The following EMC8 variants were observed in gnomAD, a reference collection of about 807,000 sequenced individuals.
EMC8 encodes the protein COX4 neighbor.
A neutral mutation model predicts 24.3 loss-of-function variants in EMC8; 11 were observed. The ratio of observed to expected loss-of-function variants is 0.45; its 90% CI spans 0.28 to 0.75. EMC8 has a LOEUF of 0.75. Among genes scored for constraint, EMC8 ranks in the 30% least tolerant of loss-of-function variants. The probability of loss-of-function intolerance (pLI) is 0.12; values close to 1 mark genes in which losing one functional copy is unlikely to be tolerated. For missense variants in EMC8, 277 were observed against 282.7 expected (o/e 0.98, Z 0.14); for synonymous variants, 145 against 117.7 (o/e 1.23, Z -1.50).
chr16:85,787,276 G>A (rs1037605224), intron 2 of EMC8, among the ~76,000 whole-genome samples: 1 of 152,134 alleles, frequency 6.6e-6, no homozygotes, highest in East Asian at 1.9e-4. Flanking sequence ...ACTTGACAAG[G>A]CCCTGCTCAC....
chr16:85,799,001 C>T lies in EMC8; in HGVS notation c.231+64G>A, dbSNP rs1169355273. On this transcript the variant is annotated intron_variant, in intron 1 of 4. Transcript: ENST00000253457. This position sits in a 1 kb window ranked among gnomAD's most constrained non-coding sequence, Gnocchi z 4.2. ...TGGAGGGCGACCGCTGGGCCAGCTT[C>T]CTCTCTGCTGACTGAGGGGAGGCCA... 1 of 1,196,960 alleles carries T rather than the reference C, an allele frequency of 8.4e-7. No homozygotes were observed. The highest frequency in any genetic ancestry group is 2.6e-5 in the East Asian group (1 of 38,998). The allele number at this position is 1,196,960 out of a possible 1,614,324, so 74.1% of individuals were successfully genotyped here.
Position 85,780,250 on chromosome 16 carries a change from C to T in EMC8, c.473+129G>A, listed in dbSNP as rs538363033. 21 of 700,436 alleles carry T rather than the reference C, an allele frequency of 3.0e-5. No individual in the cohort carries two copies. In the East Asian group the frequency reaches 3.5e-4, roughly 12 times the overall value. 43.4% of individuals were successfully genotyped at this position (700,436 alleles called of 1,614,324 possible). The stretch of plus-strand genomic sequence containing the variant: ...CTGGAACACTGGGGCCTACAGGAGC[C>T]GGGGAATATGCTTGGTATCATGCTT... On this transcript the variant is annotated intron_variant, in intron 4 of 4. Transcript: ENST00000253457.
chr16:85,795,596 T>C (rs1233780645), intron 1 of EMC8, among the ~76,000 whole-genome samples: 2 of 152,178 alleles, frequency 1.3e-5, no homozygotes, highest in Non-Finnish European at 2.9e-5. Context: ...GGAATGCTGA[T>C]GTCATGAAGC....
Position 85,789,059 on chromosome 16 carries a change from G to A in EMC8, c.232-9C>T, listed in dbSNP as rs1263776470. On this transcript the variant is annotated splice_polypyrimidine_tract_variant and intron_variant, in intron 1 of 4. Coordinates refer to ENST00000253457, the MANE Select transcript of EMC8 (RefSeq NM_006067.5). The stretch of plus-strand genomic sequence containing the variant: ...TTGCACCATGAATCAATCTGAAAGA[G>A]GAACAAAAATTGGGAAAAGATGAAT... 6.2e-7 allele frequency: 1 copy of A among 1,606,050 alleles called. No individual in the cohort carries two copies.
intron 2 of EMC8, among the ~76,000 whole-genome samples, chr16:85,788,247 G>A (rs913058501): frequency 2.6e-5 from 4 of 152,244 alleles, no homozygotes; most frequent in Non-Finnish European, 5.9e-5. Context: ...CTGCCCAAGG[G>A]CACTGCTTTT....
Position 85,789,483 on chromosome 16 carries a change from T to A in EMC8, c.232-433A>T, listed in dbSNP as rs142220186. Among the ~76,000 whole-genome samples, 184 of 152,264 alleles carry A rather than the reference T, an allele frequency of 1.2e-3. 1 individual carries two copies. The highest frequency in any genetic ancestry group is 4.0e-3 in the African/African-American group (165 of 41,562). On this transcript the variant is annotated intron_variant, in intron 1 of 4. Transcript: ENST00000253457. Reference sequence around the variant, plus strand: ...ATAGAAACAGAGCCAGAAGGGAATCTCAGTCTCTTTCAAAACAAGTCTTTT... The same window carrying A: ...ATAGAAACAGAGCCAGAAGGGAATCACAGTCTCTTTCAAAACAAGTCTTTT...
intron 1 of EMC8, among the ~76,000 whole-genome samples, chr16:85,794,488 A>G (rs34638133): frequency 6.6e-6 from 1 of 152,184 alleles, no homozygotes; most frequent in Non-Finnish European, 1.5e-5. Context: ...CAGGAGATCG[A>G]GACCCGCCTG....
chr16:85,797,963 A>T (rs779361860), intron 1 of EMC8, among the ~76,000 whole-genome samples: 61 of 152,284 alleles, frequency 4.0e-4, no homozygotes, highest in Admixed American at 1.4e-3. Flanking sequence ...GGAACTGAAA[A>T]GCTACTGCCT....
intron 2 of EMC8, chr16:85,784,929 G>C (rs371617792): frequency 2.6e-5 from 4 of 152,214 alleles, no homozygotes; most frequent in African/African-American, 9.6e-5. Context: ...AGATGCTCAA[G>C]AACTCTTAAC....
rs777991887 is a variant in EMC8 at position 85,779,872 on chromosome 16, G to A, written c.474-5C>T. 2.2e-5 allele frequency: 35 copies of A among 1,613,558 alleles called. No individual in the cohort carries two copies. Among genetic ancestry groups the A allele is most frequent in the South Asian group, 1.2e-4 (11 of 91,028 alleles). On this transcript the variant is annotated splice_polypyrimidine_tract_variant and splice_region_variant and intron_variant, in intron 4 of 4. Transcript: ENST00000253457. ...GGCCAGTCTTCACAGTAGTCACTAC[G>A]GGTCAAACATGAAGAAGTCAGCATC...
At chr16:85,780,804 GC>G in intron 3 of EMC8, 1 of 455,080 alleles carries the variant, frequency 2.2e-6, no homozygotes, top group Non-Finnish European at 4.0e-6. Flanking sequence ...CCTTCCCTGT[GC>G]CCCTAGAGGC....
chr16:85,780,539 C>T (rs1904441883), intron 3 of EMC8, 66 bp from the exon 4 acceptor site: 2 of 1,174,688 alleles, frequency 1.7e-6, no homozygotes, highest in African/African-American at 3.0e-5. Flanking sequence ...GCAGGCGCCT[C>T]CTCGGGGCTC....
intron 4 of EMC8, 102 bp from the exon 5 acceptor site, chr16:85,779,969 G>C: frequency 1.1e-6 from 1 of 924,162 alleles, no homozygotes; most frequent in Admixed American, 1.9e-5. Flanking sequence ...GGTATGAACA[G>C]AGATGGTGCA....
In EMC8 at chr16:85,791,680, AGAG is replaced by A. The variant is rs1420496129; in HGVS notation, c.232-2633_232-2631del. On this transcript the variant is annotated intron_variant, in intron 1 of 4. Transcript: ENST00000253457. The stretch of plus-strand genomic sequence containing the variant: ...GAGCTGTGCTTCTTCAGGATGCTCT[AGAG>A]GAGAATCCTTTTCCTTGCCTTTTCC... Among the ~76,000 whole-genome samples, 4 of 152,352 alleles carry A rather than the reference AGAG, an allele frequency of 2.6e-5. No individual in the cohort carries two copies. In the East Asian group the frequency reaches 7.7e-4, roughly 29 times the overall value.
intron 1 of EMC8, among the ~76,000 whole-genome samples, chr16:85,790,907 G>C (rs1904978170): frequency 6.6e-6 from 1 of 152,060 alleles, no homozygotes; most frequent in Non-Finnish European, 1.5e-5. Context: ...GTTCACTGCA[G>C]CCTTGAACTC....
At chr16:85,797,408 C>CA (rs1443108691) in intron 1 of EMC8, among the ~76,000 whole-genome samples, 1 of 151,772 alleles carries the variant, frequency 6.6e-6, no homozygotes, top group Non-Finnish European at 1.5e-5. Flanking sequence ...AACTCCATCT[C>CA]AAAAAAACAA....
intron 2 of EMC8, chr16:85,784,444 A>G (rs1455901089): frequency 1.3e-5 from 2 of 152,262 alleles, no homozygotes; most frequent in African/African-American, 4.8e-5. Context: ...TTATATGATT[A>G]TTGTATTTTC....
At chr16:85,797,501 G>A (rs1468552220) in intron 1 of EMC8, among the ~76,000 whole-genome samples, 1 of 152,152 alleles carries the variant, frequency 6.6e-6, no homozygotes, top group Non-Finnish European at 1.5e-5. Flanking sequence ...ATATCTTCAA[G>A]AGCTAAAATA....
chr16:85,785,367 C>T (rs915617471), intron 2 of EMC8, among the ~76,000 whole-genome samples: 2 of 152,058 alleles, frequency 1.3e-5, no homozygotes, highest in African/African-American at 4.8e-5. Context: ...GTCAGCAGTT[C>T]GAGACCAGCC....
Sources: gnomAD v4.1 joint callset for allele counts (sites outside exome capture counted in the v4.1 genomes callset) on GRCh38, gnomAD v4.1.1 for gene constraint, Gnocchi (gnomAD v3.1) non-coding constraint, MANE v1.5 for transcripts, NCBI Gene and HGNC (gene_info 2026-07-23, HGNC 2026-07-21) for gene names.